The following PDE3A variants were observed in gnomAD, a reference collection of about 807,000 sequenced individuals.
PDE3A encodes cGMP-inhibited 3',5'-cyclic phosphodiesterase 3A.
In PDE3A, 43 loss-of-function variants were observed where a neutral mutation model predicts 98.3. That is an observed-to-expected ratio of 0.44 (90% CI 0.34 to 0.56). PDE3A has a LOEUF of 0.56. Ranked by LOEUF, PDE3A falls within the 20% of genes least tolerant of loss-of-function variation. The probability of loss-of-function intolerance (pLI) is 0.01; values close to 1 mark genes in which losing one functional copy is unlikely to be tolerated. For missense variants in PDE3A, 1,427 were observed against 1,440.7 expected, an observed-to-expected ratio of 0.99 and a Z score of 0.15; for synonymous variants, 663 against 567.9, an observed-to-expected ratio of 1.17 and a Z score of -2.38.
Position 20,386,173 on chromosome 12 carries a change from A to C in PDE3A, c.960+15929A>C, listed in dbSNP as rs867523824. 7.4e-3 allele frequency among the ~76,000 whole-genome samples: 560 copies of C among 75,930 alleles called. 13 individuals carry two copies. Among genetic ancestry groups the C allele is most frequent in the African/African-American group, 0.024 (476 of 20,002 alleles). The allele number at this position is 75,930 out of a possible 152,430, so 49.8% of individuals were successfully genotyped here. On this transcript the variant is annotated intron_variant, in intron 1 of 15. Transcript: ENST00000359062. ...TATATAAATATATATAAATATATAA[A>C]AATATATATAAATATATATAAATAT...
rs1360405590 is a variant in PDE3A at position 20,680,114 on chromosome 12, T to C, written c.3269T>C (p.Ile1090Thr). 2.2e-5 allele frequency: 36 copies of C among 1,613,522 alleles called. No individual in the cohort carries two copies. Among genetic ancestry groups the C allele is most frequent in the Non-Finnish European group, 2.9e-5 (34 of 1,179,656 alleles). ...LQNHKMWKKV[I>T]EEEQRLAGIE... ...AACCACAAGATGTGGAAGAAAGTCA[T>C]TGAAGAGGAGCAACGGTTGGCAGGC... is the stretch of plus-strand genomic sequence containing the variant. Residue 1090 changes from isoleucine to threonine, a missense_variant, in exon 16 of 16, where the codon ATT becomes ACT. By Grantham distance (89) the Ile-to-Thr change is moderately conservative. Around this residue, in one of 3 missense-constraint regions of PDE3A, gnomAD observed 142 missense variants for 133.9 expected, o/e 1.06. Transcript: ENST00000359062.
intron 15 of PDE3A, among the ~76,000 whole-genome samples, chr12:20,670,617 G>A (rs1223175325): frequency 6.6e-6 from 1 of 151,340 alleles, no homozygotes; most frequent in African/African-American, 2.4e-5. Context: ...ATAACGAAAT[G>A]AAGGCAGAAA....
At chr12:20,616,540 T>C (rs1944012143) in intron 4 of PDE3A, among the ~76,000 whole-genome samples, 156 bp downstream of exon 4, 1 of 152,168 alleles carries the variant, frequency 6.6e-6, no homozygotes, top group African/African-American at 2.4e-5. Flanking sequence ...CAGAGCAGTA[T>C]AGGGGTTAAC....
intron 15 of PDE3A, among the ~76,000 whole-genome samples, chr12:20,663,735 G>A (rs1420740663): frequency 6.6e-6 from 1 of 152,186 alleles, no homozygotes; most frequent in African/African-American, 2.4e-5. Context: ...AGGTTTATAG[G>A]CAGAAAGGAC....
rs142051435 is a variant in PDE3A at position 20,596,239 on chromosome 12, T to C, written c.1012-17204T>C. Among the ~76,000 whole-genome samples, 372 of 152,300 alleles carry C rather than the reference T, an allele frequency of 2.4e-3. 4 individuals are homozygous for C. Among genetic ancestry groups the C allele is most frequent in the Middle Eastern group, 0.01 (3 of 294 alleles). On this transcript the variant is annotated intron_variant, in intron 2 of 15. Transcript: ENST00000359062. Reference sequence around the variant, plus strand: ...AGAAATCCTGAGTGACTCACTATTATGACCAAATGACTTATTTACTTACTT... The same window carrying C: ...AGAAATCCTGAGTGACTCACTATTACGACCAAATGACTTATTTACTTACTT...
Position 20,621,319 on chromosome 12 carries a change from T to A in PDE3A, c.1448T>A (p.Val483Glu). ...SSSPDSWNNP[V>E]MMTLTKSRSF... ...AGTCCTGATTCTTGGAATAATCCAG[T>A]GATGATGACCCTCACCAAAAGCAGA... Residue 483 changes from valine to glutamate, a missense_variant, in exon 5 of 16, where the codon GTG becomes GAG. Val to Glu is a moderately radical substitution (Grantham distance 121). Transcript: ENST00000359062. 1 of 1,598,522 alleles carries A rather than the reference T, an allele frequency of 6.3e-7. No homozygotes were observed. The highest frequency in any genetic ancestry group is 1.7e-4 in the Middle Eastern group (1 of 6,024).
chr12:20,550,912 A>C (rs1197390081), intron 1 of PDE3A, among the ~76,000 whole-genome samples: 3 of 151,712 alleles, frequency 2.0e-5, no homozygotes, highest in Non-Finnish European at 4.4e-5. Flanking sequence ...AATTAGTAGC[A>C]CATTATAGTT....
At chr12:20,453,606 G>T (rs11045256) in intron 1 of PDE3A, among the ~76,000 whole-genome samples, 1 of 151,882 alleles carries the variant, frequency 6.6e-6, no homozygotes, top group African/African-American at 2.4e-5. Flanking sequence ...TTCAATTTTC[G>T]CTTAAAGGAG....
rs1489872126 is a variant in PDE3A, at chr12:20,646,763, G to T, written c.2378G>T (p.Gly793Val). ...TTTCTCTTCTCAGATTCTGACAGTG[G>T]ATTTACACATGGACATATGGGATAT... ...GSTSDSDSDS[G>V]FTHGHMGYVF... Residue 793 changes from glycine to valine, a missense_variant, in exon 12 of 16, where the codon GGA becomes GTA. Coordinates refer to ENST00000359062, the MANE Select transcript of PDE3A (RefSeq NM_000921.5). 6.2e-7 allele frequency: 1 copy of T among 1,603,732 alleles called. No homozygotes were observed. The highest frequency in any genetic ancestry group is 1.7e-5 in the Admixed American group (1 of 59,984).
chr12:20,651,595 G>A (rs1416900060), intron 14 of PDE3A, among the ~76,000 whole-genome samples: 2 of 152,120 alleles, frequency 1.3e-5, no homozygotes, highest in African/African-American at 2.4e-5. Context: ...TTATTGGGAG[G>A]TAGTGTTCAG....
chr12:20,642,029 C>T (rs1347918054), intron 10 of PDE3A, among the ~76,000 whole-genome samples: 1 of 151,950 alleles, frequency 6.6e-6, no homozygotes, highest in Non-Finnish European at 1.5e-5. Flanking sequence ...TCAGCACATA[C>T]AAAAATTTGC....
intron 1 of PDE3A, among the ~76,000 whole-genome samples, chr12:20,527,867 G>A (rs180735801): frequency 1.1e-4 from 16 of 151,590 alleles, no homozygotes; most frequent in South Asian, 8.4e-4. Context: ...TATATGTTGC[G>A]GTGGCTAAAA....
At chr12:20,417,915 G>A (rs924138338) in intron 1 of PDE3A, among the ~76,000 whole-genome samples, 32 of 152,176 alleles carry the variant, frequency 2.1e-4, no homozygotes, top group Non-Finnish European at 1.5e-5. Context: ...AACAATAACA[G>A]TTGTCATTGA....
rs941024232 is a variant in PDE3A at position 20,653,440 on chromosome 12, G to A, written c.2926-507G>A. On this transcript the variant is annotated intron_variant, in intron 14 of 15. Transcript: ENST00000359062. ...TGCAGTGGCACGATCTCAGCTCACC[G>A]CAACCTCCGCCTCCTGGGTTCAAGT... Among the ~76,000 whole-genome samples the A allele has an allele frequency of 5.3e-5, 8 of 151,660 alleles. No homozygotes were observed. The East Asian group carries it at 9.7e-4, about 18-fold the overall frequency.
chr12:20,620,947 TA>T (rs1944118987), intron 4 of PDE3A, among the ~76,000 whole-genome samples: 1 of 152,130 alleles, frequency 6.6e-6, no homozygotes, highest in African/African-American at 2.4e-5. Context: ...ACCCGCATCT[TA>T]ACCAGTTAAT....
At chr12:20,594,862 A>G (rs1016164451) in intron 2 of PDE3A, among the ~76,000 whole-genome samples, 1 of 152,036 alleles carries the variant, frequency 6.6e-6, no homozygotes, top group African/African-American at 2.4e-5. Context: ...TCTGAATATA[A>G]TAAGATTATA....
chr12:20,544,628 G>A (rs1942004066), intron 1 of PDE3A, among the ~76,000 whole-genome samples: 1 of 151,828 alleles, frequency 6.6e-6, no homozygotes, highest in African/African-American at 2.4e-5. Context: ...ATTGTTGTAA[G>A]TAGCACAGTA....
chr12:20,666,858 T>A (rs1044609811), intron 15 of PDE3A, among the ~76,000 whole-genome samples: 1 of 152,188 alleles, frequency 6.6e-6, no homozygotes, highest in African/African-American at 2.4e-5. Context: ...TGCATACTGT[T>A]TTCCATAGTG....
chr12:20,599,275 T>C (rs957154781), intron 2 of PDE3A, among the ~76,000 whole-genome samples: 1 of 152,134 alleles, frequency 6.6e-6, no homozygotes. Context: ...TCCAGTCCAG[T>C]TGGCCAATCT....
Sources: gnomAD v4.1 joint callset for allele counts (sites outside exome capture counted in the v4.1 genomes callset) on GRCh38, gnomAD v4.1.1 for gene constraint, gnomAD v4.1.1 regional missense constraint, MANE v1.5 for transcripts, NCBI Gene and HGNC (gene_info 2026-07-23, HGNC 2026-07-21) for gene names.